The following RPS24 variants were observed in gnomAD, a reference collection of about 807,000 sequenced individuals.
The protein encoded by RPS24 is ribosomal protein S24.
For synonymous variants in RPS24, 72 were observed against 55.6 expected (o/e 1.30, Z -1.31); for missense variants, 100 against 162.5 (o/e 0.62, Z 2.09).
exon 5 of RPS24, chr10:78,054,692 G>A (rs1442048270): frequency 1.5e-5 from 23 of 1,551,556 alleles, no homozygotes; most frequent in Non-Finnish European, 1.8e-5. Context: ...GATTGCGGAG[G>A]GGCTGTGGCA....
rs111658974 is a variant in RPS24, at chr10:78,054,808, C to T, written c.668C>T (p.Ser223Leu). Reference sequence around the variant, plus strand: ...CTGGTCAGAAACGGAGCCTTCATGTCGCCTGCCTCACCTGCTCCTGCTGGT... The same window carrying T: ...CTGGTCAGAAACGGAGCCTTCATGTTGCCTGCCTCACCTGCTCCTGCTGGT... Residue 223 changes from serine to leucine, a missense_variant, in exon 5 of 5, where the codon TCG becomes TTG. Coordinates refer to the RPS24 transcript ENST00000440692. 1.9e-4 allele frequency: 288 copies of T among 1,551,678 alleles called. 3 individuals are homozygous for T. Among genetic ancestry groups the T allele is most frequent in the Middle Eastern group, 6.7e-4 (4 of 5,992 alleles).
exon 5 of RPS24, chr10:78,054,609 A>C: frequency 6.4e-7 from 1 of 1,551,678 alleles, no homozygotes; most frequent in East Asian, 2.4e-5. Flanking sequence ...GAAGAACTCG[A>C]AGGCAAGAGA....
chr10:78,043,088 C>T (rs542423602), downstream of RPS24, among the ~76,000 whole-genome samples: 1 of 152,158 alleles, frequency 6.6e-6, no homozygotes, highest in African/African-American at 2.4e-5. Flanking sequence ...ACTGCAAGCT[C>T]TGCCTCACGG....
At chr10:78,055,323 A>G in exon 5 of RPS24, 1 of 288,380 alleles carries the variant, frequency 3.5e-6, no homozygotes, top group Non-Finnish European at 6.3e-6. Flanking sequence ...TTTCTTGTTT[A>G]TTGGTATTTT....
In RPS24 at chr10:78,034,841, T is replaced by C. The variant is rs573302094; in HGVS notation, c.4-511T>C. ...GATAAACACAGTTCATTGAGTGACCTTTATATGAGCCACAGCAGTTTTTAC... is the reference window on the plus strand; with the variant it reads ...GATAAACACAGTTCATTGAGTGACCCTTATATGAGCCACAGCAGTTTTTAC... On this transcript the variant is annotated intron_variant, in intron 1 of 5. Coordinates refer to ENST00000372360, the MANE Select transcript of RPS24 (RefSeq NM_033022.4). Among the ~76,000 whole-genome samples the C allele has an allele frequency of 3.2e-4, 48 of 152,334 alleles. No individual in the cohort carries two copies. In the South Asian group the frequency reaches 9.5e-3, roughly 30 times the overall value.
rs758709816 is a variant in RPS24, at chr10:78,040,151, G to T, written c.391-53G>T. 47 of 1,575,650 alleles carry T rather than the reference G, an allele frequency of 3.0e-5. No individual in the cohort carries two copies. The South Asian group carries it at 5.0e-4, about 17-fold the overall frequency. On this transcript the variant is annotated intron_variant, in intron 4 of 5. Coordinates refer to ENST00000372360, the MANE Select transcript of RPS24 (RefSeq NM_033022.4). ...TGGAGTTTGAAAAGGGACTATTAAT[G>T]AAATCTTTCTTTTCCCTCCTTTCTC...
intron 4 of RPS24, among the ~76,000 whole-genome samples, chr10:78,045,862 C>T (rs773029732): frequency 1.6e-4 from 25 of 151,634 alleles, no homozygotes; most frequent in Non-Finnish European, 2.2e-4. Context: ...ATTAGCTGGG[C>T]GTGGTGGTGC....
exon 5 of RPS24, chr10:78,054,640 A>C: frequency 6.4e-7 from 1 of 1,551,726 alleles, no homozygotes; most frequent in Non-Finnish European, 8.7e-7. Flanking sequence ...GTTGTGTGGC[A>C]GGTAGAAGTG....
At chr10:78,049,780 G>T (rs975477120) in intron 4 of RPS24, among the ~76,000 whole-genome samples, 1 of 152,168 alleles carries the variant, frequency 6.6e-6, no homozygotes, top group Admixed American at 6.5e-5. Context: ...CTCCACAAAG[G>T]CCAGACCAGA....
chr10:78,042,198 G>GC (rs1847993370), downstream of RPS24, among the ~76,000 whole-genome samples: 1 of 152,248 alleles, frequency 6.6e-6, no homozygotes, highest in Admixed American at 6.5e-5. Flanking sequence ...CAGGCTGGCT[G>GC]CATCTGTTGG....
intron 3 of RPS24, 197 bp downstream of exon 3, chr10:78,035,917 T>G (rs982300570): frequency 1.7e-6 from 1 of 596,870 alleles, no homozygotes; most frequent in African/African-American, 1.9e-5. Context: ...TGAGCTGAGT[T>G]CAGAAGGGCA....
At chr10:78,047,487 T>G (rs1327828255) in intron 4 of RPS24, among the ~76,000 whole-genome samples, 1 of 152,152 alleles carries the variant, frequency 6.6e-6, no homozygotes, top group Non-Finnish European at 1.5e-5. Context: ...GGCACAGACG[T>G]GGAAGCGGTC....
At chr10:78,051,336 A>G (rs1160468607) in intron 4 of RPS24, among the ~76,000 whole-genome samples, 2 of 152,248 alleles carry the variant, frequency 1.3e-5, no homozygotes, top group Non-Finnish European at 2.9e-5. Flanking sequence ...AAATGAAATC[A>G]TATAGTGTAT....
At chr10:78,037,112 A>G in intron 3 of RPS24, 82 bp from the exon 4 acceptor site, 3 of 1,522,334 alleles carry the variant, frequency 2.0e-6, no homozygotes, top group Non-Finnish European at 1.8e-6. Flanking sequence ...TTAAGCTCAG[A>G]CTGGGTCAGT....
At chr10:78,048,550 C>G (rs1404176620) in intron 4 of RPS24, among the ~76,000 whole-genome samples, 1 of 152,026 alleles carries the variant, frequency 6.6e-6, no homozygotes, top group Admixed American at 6.6e-5. Context: ...CTGCTGGCTC[C>G]CACCGTCGAT....
At chr10:78,035,273 C>G in intron 1 of RPS24, 79 bp from the exon 2 acceptor site, 1 of 1,400,244 alleles carries the variant, frequency 7.1e-7, no homozygotes. Flanking sequence ...TGGACTGCAA[C>G]ATTCTAGGTC....
At chr10:78,051,688 C>T (rs1045790168) in intron 4 of RPS24, among the ~76,000 whole-genome samples, 13 of 152,268 alleles carry the variant, frequency 8.5e-5, no homozygotes, top group Admixed American at 3.3e-4. Flanking sequence ...CAGCAATGTA[C>T]GAAGGTTCTA....
rs1291294524 is a variant in RPS24, at chr10:78,035,371, G to A, written c.23G>A (p.Arg8His). 9 of 1,613,970 alleles carry A rather than the reference G, an allele frequency of 5.6e-6. No individual in the cohort carries two copies. The highest frequency in any genetic ancestry group is 2.2e-5 in the East Asian group (1 of 44,894). MNDTVTIRTRKFMTNRLL... is the reference protein window; with the variant it reads MNDTVTIHTRKFMTNRLL... The stretch of plus-strand genomic sequence containing the variant: ...TTTCAGAACGACACCGTAACTATCC[G>A]CACTAGAAAGTTCATGACCAACCGA... Residue 8 changes from arginine to histidine, a missense_variant, in exon 2 of 6, where the codon CGC (arginine) becomes CAC (histidine). By Grantham distance (29) the Arg-to-His change is conservative. Transcript: ENST00000372360.
At chr10:78,034,008 T>C in intron 1 of RPS24, 104 bp downstream of exon 1, 4 of 1,415,380 alleles carry the variant, frequency 2.8e-6, no homozygotes, top group Middle Eastern at 1.8e-4. Context: ...CCGGTTGCTC[T>C]TCTCTGGCCG....
Sources: gnomAD v4.1 joint callset for allele counts (sites outside exome capture counted in the v4.1 genomes callset) on GRCh38, gnomAD v4.1.1 for gene constraint, MANE v1.5 for transcripts, NCBI Gene and HGNC (gene_info 2026-07-23, HGNC 2026-07-21) for gene names.